Variants in SLC38A9 observed in about 807,000 individuals in gnomAD.
The protein encoded by SLC38A9 is solute carrier family 38 member 9, also known as neutral amino acid transporter 9.
A neutral mutation model predicts 62.3 loss-of-function variants in SLC38A9; 48 were observed. That is an observed-to-expected ratio of 0.77 (90% CI 0.61 to 0.98). The LOEUF is 0.98. SLC38A9 is among the 50% of genes least tolerant of loss of function. The pLI is 0.00. For missense variants in SLC38A9, 541 were observed against 679.8 expected, an observed-to-expected ratio of 0.80 and a Z score of 2.27; for synonymous variants, 204 against 227.7, an observed-to-expected ratio of 0.90 and a Z score of 0.94.
chr5:55,677,926 T>TTTTG (rs1554062823), intron 3 of SLC38A9, among the ~76,000 whole-genome samples: 8 of 112,144 alleles, frequency 7.1e-5, no homozygotes, highest in East Asian at 2.8e-4. Context: ...TTTTTCTTTA[T>TTTTG]TGTGTGTGTG....
intron 7 of SLC38A9, among the ~76,000 whole-genome samples, chr5:55,668,761 G>C (rs1750847035): frequency 6.6e-6 from 1 of 152,186 alleles, no homozygotes; most frequent in African/African-American, 2.4e-5. Flanking sequence ...GATACGAGTA[G>C]AGGTAAGGTG....
intron 11 of SLC38A9, among the ~76,000 whole-genome samples, 164 bp downstream of exon 11, chr5:55,649,043 A>G (rs1746903199): frequency 6.6e-6 from 1 of 152,188 alleles, no homozygotes; most frequent in South Asian, 2.1e-4. Flanking sequence ...GTTACCACTA[A>G]CTGCAGGAAA....
chr5:55,692,732 G>A, intron 3 of SLC38A9: 1 of 985,220 alleles, frequency 1.0e-6, no homozygotes, highest in Non-Finnish European at 1.2e-6. Context: ...TTACTGTAAT[G>A]GAATGCACTT....
Position 55,705,937 on chromosome 5 carries a change from T to A in SLC38A9, c.-35+5515A>T, listed in dbSNP as rs1757238582. Among the ~76,000 whole-genome samples the A allele has an allele frequency of 3.3e-5, 5 of 152,298 alleles. No homozygotes were observed. The South Asian group carries it at 1.0e-3, about 32-fold the overall frequency. On this transcript the variant is annotated intron_variant, in intron 2 of 15. Coordinates refer to ENST00000396865, the MANE Select transcript of SLC38A9 (RefSeq NM_173514.4). Reference sequence around the variant, plus strand: ...ATTGGCCAGGCAGGTCTCGAACTCCTGACCTTGTGATCTGCCTGCCTCGGC... The same window carrying A: ...ATTGGCCAGGCAGGTCTCGAACTCCAGACCTTGTGATCTGCCTGCCTCGGC...
At chr5:55,705,445 AAAAAAAG>A (rs1174814563) in intron 2 of SLC38A9, among the ~76,000 whole-genome samples, 3 of 150,746 alleles carry the variant, frequency 2.0e-5, no homozygotes, top group Admixed American at 2.0e-4. Flanking sequence ...ATTACAAAAA[AAAAAAAG>A]AAAGAAAGAA....
At chr5:55,691,290 G>A (rs1201561754) in intron 3 of SLC38A9, 1 of 1,497,214 alleles carries the variant, frequency 6.7e-7, no homozygotes, top group Non-Finnish European at 9.0e-7. Context: ...TGACAACAGA[G>A]CCCTGGAGGG....
At chr5:55,661,344 C>A (rs34799150) in intron 8 of SLC38A9, among the ~76,000 whole-genome samples, 89,970 of 149,298 alleles carry the variant, frequency 0.6, 27,500 homozygotes, top group South Asian at 0.7. Flanking sequence ...GCTGGGGAGG[C>A]TGAGGCAGGA....
At chr5:55,687,190 A>C (rs1035553138) in intron 3 of SLC38A9, among the ~76,000 whole-genome samples, 1 of 149,876 alleles carries the variant, frequency 6.7e-6, no homozygotes, top group South Asian at 2.1e-4. Context: ...CTGTAATCCC[A>C]GCACTTTGGG....
chr5:55,664,114 C>T lies in SLC38A9; in HGVS notation c.697+579G>A, dbSNP rs1182161098. On this transcript the variant is annotated intron_variant, in intron 8 of 15. Transcript: ENST00000396865. ...AGGAGTTTGAGACCAGCCAGGGCAA[C>T]ATAGCAAGGCCCTGTCTCAAAAAAA... is the stretch of plus-strand genomic sequence containing the variant. Among the ~76,000 whole-genome samples, 3 of 149,230 alleles carry T rather than the reference C, an allele frequency of 2.0e-5. No homozygotes were observed. The Admixed American group carries it at 2.0e-4, about 10-fold the overall frequency.
At chr5:55,635,009 G>A (rs539055075) in intron 13 of SLC38A9, 15 of 148,768 alleles carry the variant, frequency 1.0e-4, no homozygotes, top group African/African-American at 3.5e-4. Flanking sequence ...GTGACTCATA[G>A]GACATCTCTC....
chr5:55,688,123 A>G (rs746078633), intron 3 of SLC38A9, among the ~76,000 whole-genome samples: 17 of 152,296 alleles, frequency 1.1e-4, no homozygotes, highest in Admixed American at 2.6e-4. Context: ...CTGAGACTTC[A>G]CTGAAGTTGC....
At chr5:55,656,860 C>CTTTTT (rs11397177) in intron 8 of SLC38A9, 86 bp from the exon 9 acceptor site, 7 of 462,464 alleles carry the variant, frequency 1.5e-5, no homozygotes, top group Middle Eastern at 6.4e-4. Flanking sequence ...TTATAAAAAT[C>CTTTTT]TTTTTTTTTT....
chr5:55,643,726 T>C lies in SLC38A9; in HGVS notation c.1167+2063A>G, dbSNP rs77706890. Among the ~76,000 whole-genome samples the C allele has an allele frequency of 6.3e-3, 954 of 152,288 alleles. 10 individuals carry two copies. Among genetic ancestry groups the C allele is most frequent in the African/African-American group, 0.022 (925 of 41,564 alleles). On this transcript the variant is annotated intron_variant, in intron 12 of 15. Coordinates refer to ENST00000396865, the MANE Select transcript of SLC38A9 (RefSeq NM_173514.4). ...AGCTCTGTCACTGGGTACATATACA[T>C]TTAGGATTATTATGTCTTCTTGATG... is the stretch of plus-strand genomic sequence containing the variant.
chr5:55,698,598 A>G (rs1486420310), intron 2 of SLC38A9, among the ~76,000 whole-genome samples: 1 of 152,258 alleles, frequency 6.6e-6, no homozygotes, highest in Non-Finnish European at 1.5e-5. Flanking sequence ...AACAAGAAGT[A>G]AAATGGCTTA....
chr5:55,634,133 T>C (rs544098100), intron 13 of SLC38A9: 94 of 361,206 alleles, frequency 2.6e-4, no homozygotes, highest in African/African-American at 1.9e-3. Context: ...TTTTATTCTA[T>C]TTTACAAAAG....
intron 2 of SLC38A9, among the ~76,000 whole-genome samples, chr5:55,701,627 G>A (rs1756660083): frequency 6.6e-6 from 1 of 152,148 alleles, no homozygotes; most frequent in Non-Finnish European, 1.5e-5. Flanking sequence ...TGTAGAAAAG[G>A]GTAATAAGGA....
At chr5:55,652,219 G>A (rs1385259555) in intron 10 of SLC38A9, among the ~76,000 whole-genome samples, 1 of 151,266 alleles carries the variant, frequency 6.6e-6, no homozygotes, top group Non-Finnish European at 1.5e-5. Context: ...TTAGCTGGGT[G>A]TGGTGGCGCA....
At chr5:55,636,461 T>C (rs1744418116) in intron 12 of SLC38A9, among the ~76,000 whole-genome samples, 2 of 152,232 alleles carry the variant, frequency 1.3e-5, no homozygotes, top group Non-Finnish European at 2.9e-5. Context: ...ACTGAAGTTA[T>C]GGCCAAACAA....
intron 14 of SLC38A9, among the ~76,000 whole-genome samples, chr5:55,630,731 T>C (rs2150026586): frequency 6.6e-6 from 1 of 152,348 alleles, no homozygotes; most frequent in Admixed American, 6.5e-5. Flanking sequence ...ATGTAATACA[T>C]AATAATCACA....
Sources: gnomAD v4.1 joint callset for allele counts (sites outside exome capture counted in the v4.1 genomes callset) on GRCh38, gnomAD v4.1.1 for gene constraint, MANE v1.5 for transcripts, NCBI Gene and HGNC (gene_info 2026-07-23, HGNC 2026-07-21) for gene names.